COBL: variants seen among roughly 807,000 people sequenced by gnomAD.
COBL encodes the protein protein cordon-bleu.
A neutral mutation model predicts 98.8 loss-of-function variants in COBL; 51 were observed. That is an observed-to-expected ratio of 0.52 (90% CI 0.41 to 0.65). COBL has a LOEUF of 0.65. Ranked by LOEUF, COBL falls within the 30% of genes least tolerant of loss-of-function variation. The pLI, the probability that COBL is intolerant of heterozygous loss-of-function variation, is 0.00. For synonymous variants in COBL, 634 were observed against 651.7 expected (o/e 0.97, Z 0.41); for missense variants, 1,617 against 1,617.5 (o/e 1.00, Z 0.01).
intron 1 of COBL, among the ~76,000 whole-genome samples, chr7:51,278,265 G>T (rs1439849393): frequency 6.6e-6 from 1 of 152,080 alleles, no homozygotes; most frequent in Admixed American, 6.5e-5. Context: ...TCCCAAGGAA[G>T]AGCATGCTCA....
chr7:51,063,301 AT>A (rs1478370829), intron 7 of COBL, among the ~76,000 whole-genome samples: 1 of 151,934 alleles, frequency 6.6e-6, no homozygotes, highest in African/African-American at 2.4e-5. Flanking sequence ...CGCCCGGCTA[AT>A]TTTTGTATTT....
At chr7:51,255,698 A>G (rs2129142006) in intron 1 of COBL, among the ~76,000 whole-genome samples, 1 of 152,344 alleles carries the variant, frequency 6.6e-6, no homozygotes, top group Admixed American at 6.5e-5. Context: ...GGCTTAGGGT[A>G]GAGAGCAGAG....
chr7:51,045,155 C>A (rs1485779405), intron 7 of COBL, among the ~76,000 whole-genome samples: 1 of 152,172 alleles, frequency 6.6e-6, no homozygotes, highest in Non-Finnish European at 1.5e-5. Context: ...CTCTTGCCTT[C>A]CCTTTTGCTG....
chr7:51,051,114 T>C (rs1178598984), intron 7 of COBL, among the ~76,000 whole-genome samples: 1 of 152,168 alleles, frequency 6.6e-6, no homozygotes, highest in Non-Finnish European at 1.5e-5. Context: ...CTGGCTCCAT[T>C]TACTTGTTAT....
chr7:51,204,619 C>T (rs1372627947), intron 2 of COBL, among the ~76,000 whole-genome samples: 5 of 148,552 alleles, frequency 3.4e-5, no homozygotes, highest in South Asian at 2.1e-4. Context: ...GGTGCTATCT[C>T]GGCTCACTGC....
intron 2 of COBL, among the ~76,000 whole-genome samples, chr7:51,206,874 G>T (rs1791786550): frequency 6.6e-6 from 1 of 152,202 alleles, no homozygotes; most frequent in Admixed American, 6.5e-5. Context: ...GGGCAATAGG[G>T]AGGTGGTCAA....
At chr7:51,061,948 G>GACACACACAC (rs1791409296) in intron 7 of COBL, among the ~76,000 whole-genome samples, 1 of 92,898 alleles carries the variant, frequency 1.1e-5, no homozygotes, top group Admixed American at 9.7e-5. Context: ...CCCCACCATA[G>GACACACACAC]ATACACACAC....
intron 12 of COBL, among the ~76,000 whole-genome samples, chr7:51,018,905 AATATATATAT>A (rs71018490): frequency 1.2e-4 from 4 of 34,436 alleles, no homozygotes; most frequent in East Asian, 1.3e-3. Context: ...AAAAAAAAAA[AATATATATAT>A]ATATATATAT....
chr7:51,302,578 T>C (rs1287741805), intron 1 of COBL, among the ~76,000 whole-genome samples: 1 of 125,444 alleles, frequency 8.0e-6, no homozygotes, highest in Non-Finnish European at 1.6e-5. Flanking sequence ...CGAAACTCCG[T>C]CTCAAAAAAA....
rs779734534 is a variant in COBL, at chr7:51,029,349, G to T, written c.1747C>A (p.Gln583Lys). 7 of 1,605,512 alleles carry T rather than the reference G, an allele frequency of 4.4e-6. No individual in the cohort carries two copies. Among genetic ancestry groups the T allele is most frequent in the African/African-American group, 1.3e-5 (1 of 74,960 alleles). ...TCATGGGGCTGGCTGTGCTCAGCTT[G>T]AAGTGGCGCCAGGGAGTCTCTCCTG... The part of the protein sequence containing the change: ...ASRRDSLAPL[Q>K]AEHSQPHEKA... Residue 583 changes from glutamine (Q) to lysine (K), a missense_variant, in exon 10 of 13, where the codon CAA (glutamine) becomes AAA (lysine). By Grantham distance (53) the Gln-to-Lys change is moderately conservative (BLOSUM62 1). Transcript: ENST00000265136.
intron 1 of COBL, among the ~76,000 whole-genome samples, chr7:51,311,857 G>A (rs542271901): frequency 6.6e-6 from 1 of 151,968 alleles, no homozygotes; most frequent in South Asian, 2.1e-4. Flanking sequence ...GTACAAAGAT[G>A]AAGATATGTA....
At chr7:51,280,490 G>A (rs1799724063) in intron 1 of COBL, among the ~76,000 whole-genome samples, 1 of 152,176 alleles carries the variant, frequency 6.6e-6, no homozygotes, top group Non-Finnish European at 1.5e-5. Flanking sequence ...CAAGAGGATG[G>A]AGTAAACCCC....
intron 7 of COBL, among the ~76,000 whole-genome samples, chr7:51,080,878 A>C (rs1793586065): frequency 6.7e-6 from 1 of 149,548 alleles, no homozygotes; most frequent in Admixed American, 6.7e-5. Context: ...AGGAGCACCC[A>C]GATTTCAACA....
At chr7:51,186,569 G>A (rs967436279) in intron 4 of COBL, among the ~76,000 whole-genome samples, 44 of 152,188 alleles carry the variant, frequency 2.9e-4, no homozygotes, top group African/African-American at 1.0e-3. Context: ...AAGGACTGAG[G>A]TCGGCTCCCT....
chr7:51,276,574 G>T (rs1799332014), intron 1 of COBL, among the ~76,000 whole-genome samples: 1 of 152,152 alleles, frequency 6.6e-6, no homozygotes, highest in Non-Finnish European at 1.5e-5. Flanking sequence ...AAGCTTTAAG[G>T]AACACCTCCA....
At chr7:51,258,882 T>C (rs970337195) in intron 1 of COBL, among the ~76,000 whole-genome samples, 8 of 152,248 alleles carry the variant, frequency 5.3e-5, no homozygotes, top group African/African-American at 1.9e-4. Context: ...TTATAACTCT[T>C]AGGCTATGCA....
chr7:51,117,412 T>C (rs1182300905), intron 6 of COBL, among the ~76,000 whole-genome samples: 1 of 152,112 alleles, frequency 6.6e-6, no homozygotes, highest in Non-Finnish European at 1.5e-5. Flanking sequence ...CTCTTCTTCT[T>C]GAAACTGGAT....
intron 7 of COBL, among the ~76,000 whole-genome samples, chr7:51,084,119 G>A (rs1452557028): frequency 6.6e-6 from 1 of 152,098 alleles, no homozygotes; most frequent in African/African-American, 2.4e-5. Context: ...TGCTTCTTAA[G>A]GTAACTGACT....
rs138818719 is a variant in COBL at position 51,028,458 on chromosome 7, T to C, written c.2638A>G (p.Lys880Glu). Reference sequence around the variant, plus strand: ...GGCCTCACCACATCAGCATGGACTTTTGGGGCTCCTATGCGCTTGGCAATG... The same window carrying C: ...GGCCTCACCACATCAGCATGGACTTCTGGGGCTCCTATGCGCTTGGCAATG... ...SAIAKRIGAP[K>E]VHADVVRPHG... The change falls in exon 10 of 13, where the codon AAA (lysine) becomes GAA (glutamate). Residue 880 changes from lysine (K) to glutamate (E), a missense_variant. Around this residue, in one of 3 missense-constraint regions of COBL, gnomAD observed 1,304 missense variants for 1,282.0 expected, o/e 1.02. Transcript: ENST00000265136. 74 of 1,614,280 alleles carry C rather than the reference T, an allele frequency of 4.6e-5. No individual in the cohort carries two copies. In the African/African-American group the frequency reaches 8.7e-4, roughly 19 times the overall value.
Sources: allele counts gnomAD v4.1 joint callset (sites outside exome capture counted in the v4.1 genomes callset), GRCh38; gene constraint gnomAD v4.1.1; regional missense constraint gnomAD v4.1.1; transcripts MANE v1.5; gene names NCBI Gene and HGNC (gene_info 2026-07-23, HGNC 2026-07-21).